The following SYAP1 variants were observed in gnomAD, a reference collection of about 807,000 sequenced individuals.
The protein encoded by SYAP1 is synapse-associated protein 1.
In SYAP1, 3 loss-of-function variants were observed where a neutral mutation model predicts 29.6. That is an observed-to-expected ratio of 0.10 (90% confidence interval 0.05 to 0.26). SYAP1 has a LOEUF of 0.26. SYAP1 is among the 10% of genes least tolerant of loss of function. The probability of loss-of-function intolerance (pLI) is 1.00; values close to 1 mark genes in which losing one functional copy is unlikely to be tolerated. For missense variants in SYAP1, 217 were observed against 264.1 expected (o/e 0.82, Z 1.24); for synonymous variants, 102 against 102.7 (o/e 0.99, Z 0.04).
intron 5 of SYAP1, among the ~76,000 whole-genome samples, chrX:16,744,722 C>T (rs1926556935): frequency 9.1e-6 from 1 of 109,597 alleles, no homozygotes; most frequent in African/African-American, 3.3e-5. Context: ...GTCCCAGCTA[C>T]TCAGGAAGCT....
At chrX:16,755,841 A>G (rs1569253004) in intron 6 of SYAP1, among the ~76,000 whole-genome samples, 1 of 112,238 alleles carries the variant, frequency 8.9e-6, no homozygotes, top group Non-Finnish European at 1.9e-5. Context: ...TGCTGTGTAT[A>G]GTAGGTACTC....
rs756158111 is a variant in SYAP1, at chrX:16,731,508, C to G, written c.176-3719C>G. On this transcript the variant is annotated intron_variant, in intron 1 of 8. Coordinates refer to ENST00000380155, the MANE Select transcript of SYAP1 (RefSeq NM_032796.4). ...GCTTTGAAACAAAGATGATAACCGT[C>G]CTTTCCCAGAACAAACTTCCTTTAT... is the stretch of plus-strand genomic sequence containing the variant. Among the ~76,000 whole-genome samples, 8 of 112,199 alleles carry G rather than the reference C, an allele frequency of 7.1e-5. No individual in the cohort carries two copies. The East Asian group carries it at 2.2e-3, about 31-fold the overall frequency.
intron 5 of SYAP1, among the ~76,000 whole-genome samples, chrX:16,752,712 T>C (rs974223242): frequency 9.0e-6 from 1 of 111,337 alleles, no homozygotes; most frequent in Non-Finnish European, 1.9e-5. Context: ...GTCTGTTGCA[T>C]GCTGTCAGGT....
At chrX:16,758,450 C>T (rs769159644) in intron 8 of SYAP1, among the ~76,000 whole-genome samples, 26 of 109,029 alleles carry the variant, frequency 2.4e-4, no homozygotes, top group African/African-American at 8.0e-4. Context: ...TGGATTCAAG[C>T]GATTCTCCTG....
At chrX:16,755,706 A>G (rs1328429677) in intron 6 of SYAP1, among the ~76,000 whole-genome samples, 3 of 111,574 alleles carry the variant, frequency 2.7e-5, no homozygotes, top group Non-Finnish European at 5.6e-5. Context: ...CATTGGACTC[A>G]TTGTGACACT....
intron 5 of SYAP1, among the ~76,000 whole-genome samples, chrX:16,750,917 A>G (rs1336226697): frequency 9.3e-6 from 1 of 108,037 alleles, no homozygotes; most frequent in Non-Finnish European, 1.9e-5. Context: ...ACAGGTGTGC[A>G]CCACCACGCC....
chrX:16,734,996 CAAAAAAA>C (rs1213395857), intron 1 of SYAP1, among the ~76,000 whole-genome samples: 10 of 9,919 alleles, frequency 1.0e-3, no homozygotes, highest in Non-Finnish European at 1.9e-3. Flanking sequence ...GAGACTGTCT[CAAAAAAA>C]AAAAAAAAAA....
At chrX:16,748,225 G>A (rs749420466) in intron 5 of SYAP1, among the ~76,000 whole-genome samples, 2 of 112,306 alleles carry the variant, frequency 1.8e-5, no homozygotes, top group Non-Finnish European at 3.8e-5. Context: ...TAGATGGAAC[G>A]CAACTGGTGA....
rs750981361 is a variant in SYAP1, at chrX:16,748,678, A to C, written c.575+4838A>C. On this transcript the variant is annotated intron_variant, in intron 5 of 8. Transcript: ENST00000380155. Reference sequence around the variant, plus strand: ...TTCCCGGAGGGTTTTCACAGGATACAATGCCTTAAGATAGTGCAGGAAAAC... The same window carrying C: ...TTCCCGGAGGGTTTTCACAGGATACCATGCCTTAAGATAGTGCAGGAAAAC... 1.1e-4 allele frequency among the ~76,000 whole-genome samples: 12 copies of C among 112,264 alleles called. No individual in the cohort carries two copies. In the South Asian group the frequency reaches 4.4e-3, roughly 41 times the overall value.
intron 1 of SYAP1, among the ~76,000 whole-genome samples, chrX:16,722,095 C>G (rs775540238): frequency 8.0e-5 from 9 of 112,178 alleles, no homozygotes; most frequent in Non-Finnish European, 1.5e-4. Context: ...GAGAGATGAT[C>G]AGATATTTTT....
chrX:16,756,079 G>T (rs953985328), intron 6 of SYAP1, among the ~76,000 whole-genome samples: 20 of 111,801 alleles, frequency 1.8e-4, no homozygotes, highest in Middle Eastern at 4.6e-3. Context: ...TTATTCTTTA[G>T]CATTTATGTT....
At chrX:16,742,920 A>ATTTTTTTTT (rs761130108) in intron 4 of SYAP1, among the ~76,000 whole-genome samples, 1 of 62,992 alleles carries the variant, frequency 1.6e-5, no homozygotes, top group Non-Finnish European at 2.9e-5. Flanking sequence ...GTCCGCTTCT[A>ATTTTTTTTT]TTTTTTTTTT....
chrX:16,730,119 G>A (rs1926175203), intron 1 of SYAP1, among the ~76,000 whole-genome samples: 1 of 111,882 alleles, frequency 8.9e-6, no homozygotes, highest in Admixed American at 9.6e-5. Context: ...ACTTTGAGAG[G>A]CCAAGGTGGG....
At chrX:16,743,643 G>T in intron 4 of SYAP1, 58 bp from the exon 5 acceptor site, 284 of 1,088,921 alleles carry the variant, frequency 2.6e-4, no homozygotes, top group Admixed American at 1.8e-3. Flanking sequence ...AAAAAAAATT[G>T]TTATCTATTA....
At chrX:16,755,236 T>A (rs2147437033) in intron 6 of SYAP1, 143 bp downstream of exon 6, 1 of 587,520 alleles carries the variant, frequency 1.7e-6, no homozygotes, top group South Asian at 3.3e-5. Flanking sequence ...CATTTTTCTC[T>A]TACTGCCTTC....
At position 16,743,773 on chromosome X, in the gene SYAP1, G is replaced by A. The variant is rs753989361; in HGVS notation, c.508G>A (p.Val170Met). The A allele has an allele frequency of 6.1e-5, 74 of 1,208,303 alleles. 1 individual carries two copies. The South Asian group carries it at 9.5e-4, about 16-fold the overall frequency. The part of the protein sequence containing the change: ...FNFDFDQMYP[V>M]ALVMLQEDEL... ...TTTCGACTTTGATCAGATGTACCCC[G>A]TGGCCCTGGTCATGCTCCAGGAGGA... The change falls in exon 5 of 9, where the codon GTG becomes ATG. Residue 170 changes from valine to methionine, a missense_variant. Physicochemically the swap from Val to Met is conservative, Grantham distance 21. Coordinates refer to ENST00000380155, the MANE Select transcript of SYAP1 (RefSeq NM_032796.4).
At chrX:16,737,678 T>C (rs989730919) in intron 3 of SYAP1, among the ~76,000 whole-genome samples, 1 of 111,327 alleles carries the variant, frequency 9.0e-6, no homozygotes, top group Non-Finnish European at 1.9e-5. Context: ...ATCCCGGAGA[T>C]AGGAACATGT....
At chrX:16,737,741 T>G (rs111823682) in intron 3 of SYAP1, among the ~76,000 whole-genome samples, 191 of 111,862 alleles carry the variant, frequency 1.7e-3, no homozygotes, top group Non-Finnish European at 2.9e-3. Flanking sequence ...ATTTCCTTCT[T>G]TTTTTGCATC....
chrX:16,737,562 C>T (rs1926357545), intron 3 of SYAP1, among the ~76,000 whole-genome samples: 1 of 111,587 alleles, frequency 9.0e-6, no homozygotes, highest in Non-Finnish European at 1.9e-5. Flanking sequence ...CAAAAGTGAT[C>T]CTGGCTTGGG....
Sources: gnomAD v4.1 joint callset for allele counts (sites outside exome capture counted in the v4.1 genomes callset) on GRCh38, gnomAD v4.1.1 for gene constraint, MANE v1.5 for transcripts, NCBI Gene and HGNC (gene_info 2026-07-23, HGNC 2026-07-21) for gene names.